The following C17orf78 variants were observed in gnomAD, a reference collection of about 807,000 sequenced individuals.
C17orf78 encodes the protein chromosome 17 open reading frame 78.
A neutral mutation model predicts 31.8 loss-of-function variants in C17orf78; 27 were observed. The observed-to-expected ratio is 0.85, with a 90% CI of 0.63 to 1.17. The LOEUF (loss-of-function observed/expected upper bound fraction) is 1.17. Among genes scored for constraint, C17orf78 ranks in the 50% most tolerant of loss-of-function variants. The probability of loss-of-function intolerance (pLI) is 0.00; values close to 1 mark genes in which losing one functional copy is unlikely to be tolerated. For synonymous variants in C17orf78, 106 were observed against 115.1 expected (o/e 0.92, Z 0.51); for missense variants, 258 against 315.2 (o/e 0.82, Z 1.37).
chr17:37,376,826 G>A (rs2050024574), intron 1 of C17orf78, among the ~76,000 whole-genome samples: 1 of 152,050 alleles, frequency 6.6e-6, no homozygotes, highest in African/African-American at 2.4e-5. Flanking sequence ...ATGGTGGCAT[G>A]CACCTGTAAT....
At position 37,379,213 on chromosome 17, in the gene C17orf78, C is replaced by T. The variant is rs1224492300; in HGVS notation, c.222C>T (p.Asp74=). The change falls in exon 3 of 7, where the codon GAC becomes GAT. Residue 74 remains aspartate, a synonymous_variant. Transcript: ENST00000615133. ...CTACCCTGCAGTGCCTTGGCTCTGA[C>T]AGCAAAGTAAAAGTCAACCTTGTAT... is the stretch of plus-strand genomic sequence containing the variant. The part of the protein sequence containing the change: ...TIATLQCLGS[D]SKVKVNLVYL... 2 of 1,614,022 alleles carry T rather than the reference C, an allele frequency of 1.2e-6. No homozygotes were observed. The highest frequency in any genetic ancestry group is 1.7e-6 in the Non-Finnish European group (2 of 1,179,892).
intron 4 of C17orf78, among the ~76,000 whole-genome samples, chr17:37,388,170 T>G (rs2050631918): frequency 6.6e-6 from 1 of 152,002 alleles, no homozygotes; most frequent in Non-Finnish European, 1.5e-5. Context: ...AAAATGCATA[T>G]TAGCCATTTG....
intron 3 of C17orf78, among the ~76,000 whole-genome samples, chr17:37,384,123 G>A (rs187156309): frequency 2.6e-5 from 4 of 152,300 alleles, no homozygotes; most frequent in African/African-American, 9.6e-5. Flanking sequence ...AATTAGCCGG[G>A]TGTAGTGGTG....
Position 37,391,893 on chromosome 17 carries a change from T to G in C17orf78, c.*169T>G, listed in dbSNP as rs2050899875. On this transcript the variant is annotated 3_prime_UTR_variant, in exon 7 of 7. Transcript: ENST00000615133. Reference sequence around the variant, plus strand: ...TGTGGGCTTAGCAGAGTTACCCTCATGCCCCTATCTGAGCCACAACCTTCT... The same window carrying G: ...TGTGGGCTTAGCAGAGTTACCCTCAGGCCCCTATCTGAGCCACAACCTTCT... The G allele has an allele frequency of 1.6e-6, 1 of 632,696 alleles. No individual in the cohort carries two copies. Among genetic ancestry groups the G allele is most frequent in the Admixed American group, 2.8e-5 (1 of 35,486 alleles). 39.2% of individuals were successfully genotyped at this position (632,696 alleles called of 1,614,324 possible). A position where few individuals can be genotyped will look rare whatever the true frequency, so the allele number is the denominator to read the frequency against.
intron 3 of C17orf78, among the ~76,000 whole-genome samples, chr17:37,382,821 C>G (rs2050360884): frequency 6.6e-6 from 1 of 152,268 alleles, no homozygotes; most frequent in East Asian, 1.9e-4. Flanking sequence ...GATCACGCCA[C>G]TGCACTCCAG....
At chr17:37,379,018 G>C (rs1476009401) in intron 2 of C17orf78, 119 bp from the exon 3 acceptor site, 2 of 1,231,124 alleles carry the variant, frequency 1.6e-6, no homozygotes, top group Admixed American at 2.7e-5. Context: ...GCTGGAGTGA[G>C]CCATGATTGC....
chr17:37,378,997 G>A, intron 2 of C17orf78, 140 bp from the exon 3 acceptor site: 3 of 1,026,282 alleles, frequency 2.9e-6, no homozygotes, highest in South Asian at 3.4e-5. Context: ...TGGAGATCGA[G>A]GGAGTTTGAG....
intron 5 of C17orf78, 31 bp downstream of exon 5, chr17:37,388,825 C>G (rs1328435663): frequency 6.2e-7 from 1 of 1,610,192 alleles, no homozygotes; most frequent in African/African-American, 1.3e-5. Flanking sequence ...AATCCTTGAA[C>G]TTGACCCATA....
chr17:37,388,694 G>A lies in C17orf78; in HGVS notation c.533G>A (p.Arg178Lys), dbSNP rs1197796411. Residue 178 changes from arginine (R) to lysine (K), a missense_variant, in exon 5 of 7, where the codon AGA becomes AAA. Transcript: ENST00000615133. ...GACACAGATGAGAACCTAGAGAAGA[G>A]ACAGAAATGGAGTATTGTGGTCAAA... is the stretch of plus-strand genomic sequence containing the variant. ...STDTDENLEK[R>K]QKWSIVVKIL... 1 of 1,612,390 alleles carries A rather than the reference G, an allele frequency of 6.2e-7. No individual in the cohort carries two copies. Among genetic ancestry groups the A allele is most frequent in the Non-Finnish European group, 8.5e-7 (1 of 1,178,906 alleles).
intron 5 of C17orf78, 68 bp downstream of exon 5, chr17:37,388,862 C>T: frequency 1.3e-6 from 2 of 1,563,680 alleles, no homozygotes; most frequent in Non-Finnish European, 1.7e-6. Flanking sequence ...CCAGAGGCAG[C>T]TTGGCATAAG....
At chr17:37,390,872 T>C (rs1189112167) in intron 6 of C17orf78, among the ~76,000 whole-genome samples, 1 of 151,702 alleles carries the variant, frequency 6.6e-6, no homozygotes, top group Non-Finnish European at 1.5e-5. Context: ...TAGTCCAGAA[T>C]AGAATTAGAG....
chr17:37,389,150 A>G, intron 5 of C17orf78, 96 bp from the exon 6 acceptor site: 1 of 1,417,362 alleles, frequency 7.1e-7, no homozygotes, highest in Non-Finnish European at 9.5e-7. Context: ...TATTTAGAAG[A>G]GATGGCTTCC....
Position 37,392,061 on chromosome 17 carries a change from C to CAGCT in C17orf78, c.*338_*341dup, listed in dbSNP as rs985219800. The CAGCT allele has an allele frequency of 4.3e-5, 11 of 253,954 alleles. No homozygotes were observed. Among genetic ancestry groups the CAGCT allele is most frequent in the Admixed American group, 9.6e-5 (2 of 20,756 alleles). The allele number at this position is 253,954 out of a possible 1,614,324, so 15.7% of individuals were successfully genotyped here. A position where few individuals can be genotyped will look rare whatever the true frequency, so the allele number is the denominator to read the frequency against. ...CAAACACAGCCTCTAAGAAACAAGG[C>CAGCT]AGCTGTTAGTGTGACATAGCTTCCA... On this transcript the variant is annotated 3_prime_UTR_variant, in exon 7 of 7. Transcript: ENST00000615133.
At position 37,388,709 on chromosome 17, in the gene C17orf78, T is replaced by C. The variant is rs778491785; in HGVS notation, c.548T>C (p.Ile183Thr). The C allele has an allele frequency of 5.0e-6, 8 of 1,612,048 alleles. No homozygotes were observed. Among genetic ancestry groups the C allele is most frequent in the South Asian group, 2.2e-5 (2 of 90,822 alleles). ...ENLEKRQKWS[I>T]VVKILIAVTL... is the part of the protein sequence containing the mutation. ...CTAGAGAAGAGACAGAAATGGAGTA[T>C]TGTGGTCAAAATTCTGATTGCTGTC... Residue 183 changes from isoleucine (I) to threonine (T), a missense_variant, in exon 5 of 7, where the codon ATT (isoleucine) becomes ACT (threonine). Coordinates refer to ENST00000615133, the MANE Select transcript of C17orf78 (RefSeq NM_173625.5).
In C17orf78 at chr17:37,392,289, A is replaced by G. The variant is rs1219274888; in HGVS notation, c.*565A>G. On this transcript the variant is annotated 3_prime_UTR_variant, in exon 7 of 7. Transcript: ENST00000615133. ...CTCATAAGTTATCCCCAAGGGGTTC[A>G]GGGACTACAGACCATTAGTACCCAA... is the stretch of plus-strand genomic sequence containing the variant. 6.5e-6 allele frequency: 1 copy of G among 153,090 alleles called. No homozygotes were observed. Among genetic ancestry groups the G allele is most frequent in the African/African-American group, 2.4e-5 (1 of 41,474 alleles). The allele number at this position is 153,090 out of a possible 1,614,324, so 9.5% of individuals were successfully genotyped here.
Position 37,377,981 on chromosome 17 carries a change from T to G in C17orf78, c.145+16T>G. 1.2e-6 allele frequency: 2 copies of G among 1,610,056 alleles called. No homozygotes were observed. Among genetic ancestry groups the G allele is most frequent in the Non-Finnish European group, 1.7e-6 (2 of 1,176,436 alleles). On this transcript the variant is annotated intron_variant, in intron 2 of 6. Coordinates refer to ENST00000615133, the MANE Select transcript of C17orf78 (RefSeq NM_173625.5). ...CAAATGCAAGGTAGGGAATGGGTCCTTTCTGGAAAATGATATTGCCATTCC... is the reference window on the plus strand; with the variant it reads ...CAAATGCAAGGTAGGGAATGGGTCCGTTCTGGAAAATGATATTGCCATTCC...
intron 4 of C17orf78, chr17:37,387,210 C>G (rs902219757): frequency 3.9e-5 from 6 of 152,388 alleles, no homozygotes; most frequent in Non-Finnish European, 7.3e-5. Flanking sequence ...ACCTCCCCCT[C>G]CTGGGTTCAA....
Position 37,383,897 on chromosome 17 carries a change from A to G in C17orf78, c.392-2112A>G, listed in dbSNP as rs552507567. ...GAACTTTTGAAACATAATCCCTTCT[A>G]CAAGTTTGAAACTTCCTATCCTGAA... is the stretch of plus-strand genomic sequence containing the variant. On this transcript the variant is annotated intron_variant, in intron 3 of 6. Coordinates refer to ENST00000615133, the MANE Select transcript of C17orf78 (RefSeq NM_173625.5). 2.6e-4 allele frequency among the ~76,000 whole-genome samples: 39 copies of G among 152,312 alleles called. 1 individual carries two copies. The highest frequency in any genetic ancestry group is 6.8e-3 in the Middle Eastern group (2 of 294).
At chr17:37,377,663 A>AAATT (rs1198768009) in intron 1 of C17orf78, among the ~76,000 whole-genome samples, 1 of 32,904 alleles carries the variant, frequency 3.0e-5, no homozygotes, top group African/African-American at 1.6e-4. Context: ...CCGTCTCAAT[A>AAATT]AATAAATAAA....
Sources: allele counts gnomAD v4.1 joint callset (sites outside exome capture counted in the v4.1 genomes callset), GRCh38; gene constraint gnomAD v4.1.1; transcripts MANE v1.5; gene names NCBI Gene and HGNC (gene_info 2026-07-23, HGNC 2026-07-21).